KRT73: variants seen among roughly 807,000 people sequenced by gnomAD.
KRT73 encodes the protein keratin 73.
Under a neutral mutation model 47.2 loss-of-function variants are expected in KRT73, and 44 were observed. The ratio of observed to expected loss-of-function variants is 0.93; its 90% CI spans 0.73 to 1.20. KRT73 has a LOEUF of 1.20. Ranked by LOEUF, KRT73 falls within the 50% of genes most tolerant of loss-of-function variation. The pLI, the probability that KRT73 is intolerant of heterozygous loss-of-function variation, is 0.00. For synonymous variants in KRT73, 285 were observed against 291.3 expected (o/e 0.98, Z 0.22); for missense variants, 713 against 704.5 (o/e 1.01, Z -0.14).
At chr12:52,614,706 C>G in intron 3 of KRT73, 32 bp from the exon 4 acceptor site, 2 of 1,584,034 alleles carry the variant, frequency 1.3e-6, no homozygotes, top group Non-Finnish European at 1.7e-6. Context: ...CTGACCTCAC[C>G]TTTCTTCAAG....
At chr12:52,611,809 C>A (rs1940709176) in intron 5 of KRT73, among the ~76,000 whole-genome samples, 1 of 152,120 alleles carries the variant, frequency 6.6e-6, no homozygotes, top group South Asian at 2.1e-4. Context: ...ACCTGAAAAA[C>A]CCTCCCCCAT....
At chr12:52,620,840 A>G (rs1440758521), upstream of KRT73, among the ~76,000 whole-genome samples, 1 of 151,980 alleles carries the variant, frequency 6.6e-6, no homozygotes, top group East Asian at 1.9e-4. Flanking sequence ...AACAGCATCT[A>G]TTATGTCAAT....
the KRT73 span, among the ~76,000 whole-genome samples, chr12:52,626,327 A>G: frequency 6.6e-6 from 1 of 152,258 alleles, no homozygotes; most frequent in Non-Finnish European, 1.5e-5. Context: ...CAGGCAGCCC[A>G]CTGCAGAGTC....
rs1248690337 is a variant in KRT73 at position 52,614,688 on chromosome 12, A to G, written c.724-14T>C. ...TGCGTCCACGTCCTATGGAGAATCC[A>G]GATACCCCTGACCTCACCTTTCTTC... On this transcript the variant is annotated splice_polypyrimidine_tract_variant and intron_variant, in intron 3 of 8. Transcript: ENST00000305748. 1.9e-6 allele frequency: 3 copies of G among 1,608,726 alleles called. No individual in the cohort carries two copies. Among genetic ancestry groups the G allele is most frequent in the Non-Finnish European group, 2.5e-6 (3 of 1,177,082 alleles).
chr12:52,612,029 T>G (rs1940714132), intron 5 of KRT73, among the ~76,000 whole-genome samples: 1 of 152,256 alleles, frequency 6.6e-6, no homozygotes, highest in South Asian at 2.1e-4. Flanking sequence ...AGAGACTTTT[T>G]CTTTTAACTT....
intron 7 of KRT73, 106 bp downstream of exon 7, chr12:52,610,509 A>C: frequency 1.9e-6 from 2 of 1,032,182 alleles, no homozygotes; most frequent in Non-Finnish European, 1.4e-6. Context: ...TGGGTGAAGT[A>C]AACACATCGC....
intron 4 of KRT73, chr12:52,614,154 C>T (rs775014553): frequency 1.7e-5 from 6 of 363,088 alleles, no homozygotes; most frequent in Non-Finnish European, 3.0e-5. Context: ...CTAAGGGGCA[C>T]AGGAGCCCAG....
chr12:52,609,181 G>A (rs1235421425), intron 8 of KRT73, 66 bp downstream of exon 8: 6 of 1,434,838 alleles, frequency 4.2e-6, no homozygotes, highest in Middle Eastern at 1.7e-4. Flanking sequence ...CTGGGCGGTG[G>A]ACACCCACCC....
At chr12:52,620,701 C>G (rs941626650), upstream of KRT73, among the ~76,000 whole-genome samples, 16 of 152,112 alleles carry the variant, frequency 1.1e-4, no homozygotes, top group African/African-American at 3.9e-4. Context: ...TTTCACTTCC[C>G]CTCCCCTCCC....
intron 7 of KRT73, 86 bp downstream of exon 7, chr12:52,610,529 G>GCCCACCCCCCCC: frequency 3.4e-6 from 1 of 295,156 alleles, no homozygotes. Flanking sequence ...CCAGCTCGCC[G>GCCCACCCCCCCC]CCCCCTCCCC....
chr12:52,629,946 C>A, the KRT73 span, among the ~76,000 whole-genome samples: 1 of 152,216 alleles, frequency 6.6e-6, no homozygotes, highest in Non-Finnish European at 1.5e-5. Flanking sequence ...GGCCCCTCAA[C>A]CTGTATGCCT....
rs746237178 is a variant in KRT73 at position 52,616,172 on chromosome 12, T to C, written c.656A>G (p.Lys219Arg). ...GGAGTGGCGTCCTGCTCACCTCTTCTTGTAGTCCTCCACCACTTCGCGCAC... is the reference window on the plus strand; with the variant it reads ...GGAGTGGCGTCCTGCTCACCTCTTCCTGTAGTCCTCCACCACTTCGCGCAC... Reference protein sequence around the residue: ...RSVREVVEDYKKRYEEEINKR... With the variant: ...RSVREVVEDYRKRYEEEINKR... Residue 219 changes from lysine to arginine, a missense_variant, in exon 2 of 9, where the codon AAG (lysine) becomes AGG (arginine). Coordinates refer to ENST00000305748, the MANE Select transcript of KRT73 (RefSeq NM_175068.3). The C allele has an allele frequency of 6.2e-7, 1 of 1,613,938 alleles. No individual in the cohort carries two copies.
chr12:52,627,813 C>T, the KRT73 span, among the ~76,000 whole-genome samples: 1 of 152,158 alleles, frequency 6.6e-6, no homozygotes, highest in Non-Finnish European at 1.5e-5. Flanking sequence ...TCCTTTGTGC[C>T]AACCTTCCAA....
rs117164775 is a variant in KRT73 at position 52,615,212 on chromosome 12, C to T, written c.723+67G>A. The T allele has an allele frequency of 8.6e-3, 11,942 of 1,386,000 alleles. 88 individuals carry two copies. The highest frequency in any genetic ancestry group is 0.011 in the Non-Finnish European group (10,634 of 985,038). The allele number at this position is 1,386,000 out of a possible 1,614,324, so 85.9% of individuals were successfully genotyped here. A position where few individuals can be genotyped will look rare whatever the true frequency, so the allele number is the denominator to read the frequency against. On this transcript the variant is annotated intron_variant, in intron 3 of 8. Transcript: ENST00000305748. ...CTTCTGCGGGGGGCTCAGACCTCAGCTGCTCCTCTCTCTTAGCCCAGCACC... is the reference window on the plus strand; with the variant it reads ...CTTCTGCGGGGGGCTCAGACCTCAGTTGCTCCTCTCTCTTAGCCCAGCACC...
upstream of KRT73, among the ~76,000 whole-genome samples, chr12:52,621,294 G>C (rs200433843): frequency 3.5e-4 from 49 of 140,262 alleles, no homozygotes; most frequent in African/African-American, 9.2e-4. Context: ...AAAGAAAGGG[G>C]GGGGGGGGGA....
At chr12:52,622,566 G>A (rs1422026553), upstream of KRT73, among the ~76,000 whole-genome samples, 2 of 152,234 alleles carry the variant, frequency 1.3e-5, no homozygotes, top group Non-Finnish European at 2.9e-5. Flanking sequence ...AGGGCCCAGA[G>A]GCAGTGACAG....
At chr12:52,618,660 G>A, upstream of KRT73, 1 of 894,958 alleles carries the variant, frequency 1.1e-6, no homozygotes, top group Non-Finnish European at 1.6e-6. Context: ...CAGTTTGCCT[G>A]GAAGCAAGAA....
At chr12:52,621,920 G>C (rs550201489), upstream of KRT73, among the ~76,000 whole-genome samples, 27 of 152,234 alleles carry the variant, frequency 1.8e-4, no homozygotes, top group African/African-American at 6.0e-4. Flanking sequence ...GGTACCAGTG[G>C]AGACCATGTG....
At chr12:52,608,506 C>T in intron 8 of KRT73, 54 bp from the exon 9 acceptor site, 2 of 1,486,600 alleles carry the variant, frequency 1.3e-6, no homozygotes, top group Non-Finnish European at 1.8e-6. Context: ...CAGAGGTGGC[C>T]TTAAGTCCCC....
Sources: allele counts gnomAD v4.1 joint callset (sites outside exome capture counted in the v4.1 genomes callset), GRCh38; gene constraint gnomAD v4.1.1; transcripts MANE v1.5; gene names NCBI Gene and HGNC (gene_info 2026-07-23, HGNC 2026-07-21).